The following UVRAG variants were observed in gnomAD, a reference collection of about 807,000 sequenced individuals.
The protein encoded by UVRAG is UV radiation resistance associated.
A neutral mutation model predicts 78.0 loss-of-function variants in UVRAG; 19 were observed. The ratio of observed to expected loss-of-function variants is 0.24; its 90% CI spans 0.17 to 0.36. The LOEUF is 0.36. UVRAG is among the 10% of genes least tolerant of loss of function. The pLI is 1.00. For missense variants in UVRAG, 740 were observed against 853.8 expected, an observed-to-expected ratio of 0.87 and a Z score of 1.66; for synonymous variants, 323 against 324.6, an observed-to-expected ratio of 1.00 and a Z score of 0.05.
chr11:75,853,941 A>T (rs900636642), intron 2 of UVRAG, among the ~76,000 whole-genome samples: 1 of 149,148 alleles, frequency 6.7e-6, no homozygotes, highest in African/African-American at 2.5e-5. Context: ...TCCAGCTGAT[A>T]TTTGTATTTT....
intron 1 of UVRAG, among the ~76,000 whole-genome samples, chr11:75,820,006 A>T (rs1251995330): frequency 2.0e-5 from 3 of 152,128 alleles, no homozygotes; most frequent in Non-Finnish European, 4.4e-5. Flanking sequence ...TTTTTTTTAG[A>T]GACAAGATCT....
At chr11:75,918,553 G>C (rs1035313738) in intron 6 of UVRAG, among the ~76,000 whole-genome samples, 1 of 152,068 alleles carries the variant, frequency 6.6e-6, no homozygotes, top group Non-Finnish European at 1.5e-5. Flanking sequence ...CTCCCTACTT[G>C]TATAATCAAT....
intron 14 of UVRAG, among the ~76,000 whole-genome samples, chr11:76,117,134 A>G (rs1952197213): frequency 6.6e-6 from 1 of 152,240 alleles, no homozygotes; most frequent in Non-Finnish European, 1.5e-5. Context: ...AAGCTCTGTG[A>G]TAGGTGCTTT....
At chr11:75,885,358 G>A (rs1947052806) in intron 4 of UVRAG, among the ~76,000 whole-genome samples, 1 of 152,018 alleles carries the variant, frequency 6.6e-6, no homozygotes, top group Non-Finnish European at 1.5e-5. Flanking sequence ...AACAACAATT[G>A]TATACCTCTT....
intron 1 of UVRAG, among the ~76,000 whole-genome samples, chr11:75,834,502 C>T (rs921432400): frequency 6.6e-6 from 1 of 152,104 alleles, no homozygotes; most frequent in Non-Finnish European, 1.5e-5. Context: ...AACTAATAGT[C>T]TATAGGGAAA....
intron 7 of UVRAG, among the ~76,000 whole-genome samples, chr11:75,974,228 T>A (rs1378962176): frequency 1.3e-5 from 2 of 152,228 alleles, no homozygotes; most frequent in African/African-American, 4.8e-5. Context: ...GTTTCCTGAC[T>A]TTTTAATGAT....
At chr11:76,078,893 C>A (rs1288290311) in intron 13 of UVRAG, among the ~76,000 whole-genome samples, 1 of 151,956 alleles carries the variant, frequency 6.6e-6, no homozygotes, top group African/African-American at 2.4e-5. Flanking sequence ...CGCACCACTG[C>A]ACTCCAGCCT....
intron 14 of UVRAG, among the ~76,000 whole-genome samples, chr11:76,140,494 G>A (rs1952696111): frequency 1.3e-5 from 2 of 152,060 alleles, no homozygotes; most frequent in Admixed American, 6.5e-5. Context: ...ATATTGCAGT[G>A]TGTCTGTATC....
chr11:76,123,467 C>A (rs1217215923), intron 14 of UVRAG, among the ~76,000 whole-genome samples: 2 of 151,990 alleles, frequency 1.3e-5, no homozygotes, highest in Non-Finnish European at 2.9e-5. Flanking sequence ...CATATTTGCC[C>A]GTAGTGTTTG....
chr11:76,123,549 G>A (rs1420986943), intron 14 of UVRAG, among the ~76,000 whole-genome samples: 2 of 152,194 alleles, frequency 1.3e-5, no homozygotes, highest in East Asian at 3.9e-4. Flanking sequence ...TAAGATGAAA[G>A]CAAGATTTCA....
chr11:76,126,162 C>T (rs534978778), intron 14 of UVRAG, among the ~76,000 whole-genome samples: 5 of 152,110 alleles, frequency 3.3e-5, no homozygotes, highest in South Asian at 4.1e-4. Flanking sequence ...AGGATGGTCT[C>T]GATCTCCTGA....
chr11:76,133,828 C>T (rs1952553051), intron 14 of UVRAG, among the ~76,000 whole-genome samples: 1 of 151,636 alleles, frequency 6.6e-6, no homozygotes, highest in South Asian at 2.1e-4. Context: ...GCTTTCCCCA[C>T]CTCATGTCCC....
chr11:75,934,462 T>TA (rs561549971), intron 6 of UVRAG, among the ~76,000 whole-genome samples: 8 of 152,038 alleles, frequency 5.3e-5, no homozygotes, highest in African/African-American at 1.9e-4. Context: ...ATGACTATAG[T>TA]AAAAAAAATT....
intron 14 of UVRAG, among the ~76,000 whole-genome samples, chr11:76,119,530 T>TA (rs1400622970): frequency 3.3e-5 from 5 of 152,144 alleles, no homozygotes; most frequent in Non-Finnish European, 7.4e-5. Context: ...TCAACACAGC[T>TA]AAAACCCTCC....
At chr11:75,877,807 C>T (rs1391724010) in intron 3 of UVRAG, among the ~76,000 whole-genome samples, 2 of 135,918 alleles carry the variant, frequency 1.5e-5, no homozygotes, top group East Asian at 2.3e-4. Context: ...CCAGTAGGGG[C>T]GGCTGGGCAG....
Position 76,095,122 on chromosome 11 carries a change from AT to A in UVRAG, c.1306-20799del, listed in dbSNP as rs543331250. ...TCTCCAAGGAATAAAATTCTAGTGT[AT>A]TTGTCAGGATGGAAAAAGAACTGTT... On this transcript the variant is annotated intron_variant, in intron 13 of 14. Coordinates refer to ENST00000356136, the MANE Select transcript of UVRAG (RefSeq NM_003369.4). 1.4e-4 allele frequency among the ~76,000 whole-genome samples: 21 copies of A among 152,256 alleles called. 1 individual carries two copies. In the East Asian group the frequency reaches 4.1e-3, roughly 29 times the overall value.
chr11:75,857,401 A>G (rs569392224), intron 2 of UVRAG, among the ~76,000 whole-genome samples: 2 of 151,994 alleles, frequency 1.3e-5, no homozygotes, highest in South Asian at 4.2e-4. Flanking sequence ...TAACTTAAAG[A>G]CCTCTGCATT....
At chr11:75,924,184 GATA>G (rs1288489420) in intron 6 of UVRAG, among the ~76,000 whole-genome samples, 5 of 152,092 alleles carry the variant, frequency 3.3e-5, no homozygotes, top group African/African-American at 1.2e-4. Flanking sequence ...AATCCTGTTG[GATA>G]ATAACTGAAC....
intron 5 of UVRAG, among the ~76,000 whole-genome samples, chr11:75,889,847 G>A (rs1248078134): frequency 1.3e-5 from 2 of 152,138 alleles, no homozygotes; most frequent in Non-Finnish European, 2.9e-5. Context: ...CACAAATGGT[G>A]GTAAATGCTA....
Sources: allele counts gnomAD v4.1 joint callset (sites outside exome capture counted in the v4.1 genomes callset), GRCh38; gene constraint gnomAD v4.1.1; transcripts MANE v1.5; gene names NCBI Gene and HGNC (gene_info 2026-07-23, HGNC 2026-07-21).